The following ZBTB20 variants were observed in gnomAD, a reference collection of about 807,000 sequenced individuals.
ZBTB20 encodes zinc finger and BTB domain-containing protein 20.
A neutral mutation model predicts 56.9 loss-of-function variants in ZBTB20; 9 were observed. The ratio of observed to expected loss-of-function variants is 0.16; its 90% confidence interval spans 0.10 to 0.28. The LOEUF is 0.28. Ranked by LOEUF, ZBTB20 falls within the 10% of genes least tolerant of loss-of-function variation. ZBTB20 has a pLI of 1.00. For missense variants in ZBTB20, 655 were observed against 1,003.0 expected (o/e 0.65, Z 4.69); for synonymous variants, 417 against 420.7 (o/e 0.99, Z 0.11).
At chr3:114,409,125 CTTTTTTTTTTTTTTTT>C (rs56339103) in intron 7 of ZBTB20, among the ~76,000 whole-genome samples, 7 of 71,990 alleles carry the variant, frequency 9.7e-5, no homozygotes, top group Non-Finnish European at 1.5e-4. Context: ...AAAGGGAAGA[CTTTTTTTTTTTTTTTT>C]TTTTTTTTTT....
intron 6 of ZBTB20, chr3:114,658,470 A>G (rs2060534316): frequency 6.6e-6 from 1 of 152,210 alleles, no homozygotes; most frequent in Admixed American, 6.5e-5. Context: ...CCAGAGTTAA[A>G]TTCCAACCAT....
intron 7 of ZBTB20, among the ~76,000 whole-genome samples, chr3:114,452,255 A>G (rs979222619): frequency 1.3e-5 from 2 of 152,170 alleles, no homozygotes; most frequent in African/African-American, 2.4e-5. Flanking sequence ...TATTTGGATG[A>G]CATTCTTTTT....
chr3:114,814,993 A>G (rs567955303), intron 4 of ZBTB20, among the ~76,000 whole-genome samples: 7 of 152,352 alleles, frequency 4.6e-5, no homozygotes, highest in African/African-American at 1.7e-4. Context: ...CTAACAGAAT[A>G]TAATTAATTG....
At chr3:114,392,025 T>G (rs1257404561) in intron 7 of ZBTB20, among the ~76,000 whole-genome samples, 1 of 152,146 alleles carries the variant, frequency 6.6e-6, no homozygotes, top group Non-Finnish European at 1.5e-5. Flanking sequence ...CAAACCGAAC[T>G]AATAAATATG....
At chr3:114,824,608 C>T (rs2108931504) in intron 4 of ZBTB20, among the ~76,000 whole-genome samples, 1 of 151,950 alleles carries the variant, frequency 6.6e-6, no homozygotes, top group South Asian at 2.1e-4. Context: ...TTTGAACTTG[C>T]TTAAAATATT....
chr3:114,990,171 GT>G (rs2078738688), intron 2 of ZBTB20, among the ~76,000 whole-genome samples: 1 of 152,112 alleles, frequency 6.6e-6, no homozygotes, highest in Non-Finnish European at 1.5e-5. Context: ...GGGCATCCCT[GT>G]CTTGTGCCCG....
rs141879489 is a variant in ZBTB20, at chr3:114,561,063, C to A, written c.-294-60672G>T. Among the ~76,000 whole-genome samples the A allele has an allele frequency of 1.3e-3, 194 of 152,310 alleles. 2 individuals are homozygous for A. The highest frequency in any genetic ancestry group is 4.5e-3 in the African/African-American group (185 of 41,560). On this transcript the variant is annotated intron_variant, in intron 6 of 11. Transcript: ENST00000675478. ...CAAGAAACTCACTGCTTTGCTCACC[C>A]ATAAGAAACTACTCTTTACCTGTTC...
intron 10 of ZBTB20, among the ~76,000 whole-genome samples, chr3:114,366,349 A>T (rs2082396720): frequency 6.6e-6 from 1 of 151,314 alleles, no homozygotes; most frequent in Non-Finnish European, 1.5e-5. Context: ...CTTGGTTACA[A>T]TGTGGAGAGT....
intron 7 of ZBTB20, among the ~76,000 whole-genome samples, chr3:114,401,536 G>A (rs2086827546): frequency 6.6e-6 from 1 of 152,090 alleles, no homozygotes; most frequent in South Asian, 2.1e-4. Flanking sequence ...TAAAATTCCA[G>A]AGAGTGAAAG....
intron 2 of ZBTB20, among the ~76,000 whole-genome samples, chr3:115,001,605 T>C (rs1047379393): frequency 1.3e-5 from 2 of 151,208 alleles, no homozygotes; most frequent in South Asian, 4.2e-4. Context: ...TATTACCAAT[T>C]AAATATTGAA....
chr3:114,797,022 T>C (rs1189826067), intron 5 of ZBTB20, among the ~76,000 whole-genome samples: 1 of 151,830 alleles, frequency 6.6e-6, no homozygotes, highest in Non-Finnish European at 1.5e-5. Context: ...CTGTTGTATA[T>C]CCTGGGGCAA....
At chr3:114,593,586 G>A (rs1255741196) in intron 6 of ZBTB20, among the ~76,000 whole-genome samples, 5 of 152,036 alleles carry the variant, frequency 3.3e-5, no homozygotes, top group Non-Finnish European at 7.4e-5. Flanking sequence ...GTTTGTCCAC[G>A]TTGGTCAGGC....
rs533625226 is a variant in ZBTB20 at position 114,420,492 on chromosome 3, T to C, written c.-254-31387A>G. ...AATAAAAAGGTGTCTTGCCCGCCTGTGCACATACAGGAAGGAAAGGTTGAT... is the reference window on the plus strand; with the variant it reads ...AATAAAAAGGTGTCTTGCCCGCCTGCGCACATACAGGAAGGAAAGGTTGAT... On this transcript the variant is annotated intron_variant, in intron 7 of 11. Coordinates refer to ENST00000675478, the MANE Select transcript of ZBTB20 (RefSeq NM_001348800.3). Among the ~76,000 whole-genome samples the C allele has an allele frequency of 3.0e-4, 46 of 152,290 alleles. No homozygotes were observed. The South Asian group carries it at 3.5e-3, about 12-fold the overall frequency.
intron 2 of ZBTB20, among the ~76,000 whole-genome samples, chr3:115,070,337 T>C (rs545147991): frequency 6.6e-6 from 1 of 152,272 alleles, no homozygotes; most frequent in South Asian, 2.1e-4. Flanking sequence ...TTTGAACTCA[T>C]ATTTTATCAG....
intron 4 of ZBTB20, among the ~76,000 whole-genome samples, chr3:114,875,493 T>C (rs2076158863): frequency 6.6e-6 from 1 of 152,202 alleles, no homozygotes; most frequent in Non-Finnish European, 1.5e-5. Context: ...GTTTGGGTCT[T>C]ACATATTTTA....
intron 8 of ZBTB20, 37 bp from the exon 9 acceptor site, chr3:114,380,977 G>A (rs751212624): frequency 1.3e-5 from 5 of 393,634 alleles, no homozygotes; most frequent in African/African-American, 2.1e-5. Context: ...AGGCCTTAAA[G>A]GTTCCTTCCA....
At chr3:114,600,794 TAA>T (rs2056700485) in intron 6 of ZBTB20, among the ~76,000 whole-genome samples, 2 of 152,040 alleles carry the variant, frequency 1.3e-5, no homozygotes, top group African/African-American at 4.8e-5. Flanking sequence ...ACTCTGGGCT[TAA>T]AGTGCTATTT....
chr3:115,090,541 T>C (rs1330522672), intron 1 of ZBTB20, among the ~76,000 whole-genome samples: 1 of 151,770 alleles, frequency 6.6e-6, no homozygotes, highest in Non-Finnish European at 1.5e-5. Flanking sequence ...TTTTAAGTCA[T>C]CTACAGAGGG....
At chr3:114,405,187 G>A (rs890106763) in intron 7 of ZBTB20, among the ~76,000 whole-genome samples, 1 of 151,792 alleles carries the variant, frequency 6.6e-6, no homozygotes, top group Non-Finnish European at 1.5e-5. Context: ...TGTTAAAACA[G>A]TCTGACTTTT....
Sources: allele counts gnomAD v4.1 joint callset (sites outside exome capture counted in the v4.1 genomes callset), GRCh38; gene constraint gnomAD v4.1.1; transcripts MANE v1.5; gene names NCBI Gene and HGNC (gene_info 2026-07-23, HGNC 2026-07-21).